UBAC2: variants seen among roughly 807,000 people sequenced by gnomAD.
UBAC2 encodes UBA domain containing 2, also known as ubiquitin-associated domain-containing protein 2.
In UBAC2, 26 loss-of-function variants were observed where a neutral mutation model predicts 44.0. The ratio of observed to expected loss-of-function variants is 0.59; its 90% CI spans 0.43 to 0.82. The LOEUF (loss-of-function observed/expected upper bound fraction) is 0.82. UBAC2 is among the 40% of genes least tolerant of loss of function. The pLI is 0.00. For synonymous variants in UBAC2, 155 were observed against 154.3 expected, an observed-to-expected ratio of 1.00 and a Z score of -0.04; for missense variants, 329 against 419.4, an observed-to-expected ratio of 0.78 and a Z score of 1.88.
chr13:99,286,937 C>G (rs1205694156), intron 4 of UBAC2, among the ~76,000 whole-genome samples: 8 of 152,034 alleles, frequency 5.3e-5, no homozygotes, highest in African/African-American at 1.7e-4. Context: ...TGAATCCATC[C>G]CTGAATTTCT....
At chr13:99,228,499 G>A (rs923474631) in intron 1 of UBAC2, among the ~76,000 whole-genome samples, 1 of 151,892 alleles carries the variant, frequency 6.6e-6, no homozygotes, top group African/African-American at 2.4e-5. Flanking sequence ...TCACGATGTT[G>A]GCCAGGCTAG....
At chr13:99,221,155 CT>C (rs1485822709) in intron 1 of UBAC2, among the ~76,000 whole-genome samples, 1 of 152,160 alleles carries the variant, frequency 6.6e-6, no homozygotes, top group Admixed American at 6.5e-5. Flanking sequence ...GGTCTTTTCA[CT>C]ATTATAAACA....
intron 4 of UBAC2, among the ~76,000 whole-genome samples, chr13:99,267,951 G>T (rs1178607648): frequency 1.3e-5 from 2 of 152,174 alleles, no homozygotes; most frequent in Non-Finnish European, 2.9e-5. Context: ...GTCGTCAAGG[G>T]CCTGGTCTGG....
chr13:99,384,278 C>T (rs2045589994), intron 8 of UBAC2, among the ~76,000 whole-genome samples: 1 of 152,188 alleles, frequency 6.6e-6, no homozygotes, highest in Non-Finnish European at 1.5e-5. Context: ...ATGTACAAGA[C>T]TGTTGACTTT....
intron 7 of UBAC2, among the ~76,000 whole-genome samples, chr13:99,366,845 G>A (rs566473100): frequency 6.6e-6 from 1 of 152,266 alleles, no homozygotes; most frequent in Non-Finnish European, 1.5e-5. Flanking sequence ...ACGCCCACTT[G>A]TTCCTGAGGC....
chr13:99,233,108 T>G (rs2043194601), intron 1 of UBAC2, among the ~76,000 whole-genome samples: 1 of 151,776 alleles, frequency 6.6e-6, no homozygotes, highest in Non-Finnish European at 1.5e-5. Flanking sequence ...ATGCCCAGAT[T>G]TGGTTTCTTT....
At chr13:99,314,420 A>G (rs1267726024) in intron 5 of UBAC2, among the ~76,000 whole-genome samples, 200 bp downstream of exon 5, 1 of 152,196 alleles carries the variant, frequency 6.6e-6, no homozygotes. Context: ...GAATACTTTC[A>G]TAGTCTTTAG....
intron 6 of UBAC2, among the ~76,000 whole-genome samples, chr13:99,337,140 A>G (rs2044800848): frequency 6.6e-6 from 1 of 152,166 alleles, no homozygotes; most frequent in Non-Finnish European, 1.5e-5. Context: ...TTAAAATGCA[A>G]ACCTTAAATA....
intron 1 of UBAC2, among the ~76,000 whole-genome samples, chr13:99,205,008 AT>A (rs67805172): frequency 0.098 from 14,533 of 147,998 alleles, 953 homozygotes; most frequent in Non-Finnish European, 0.15. Context: ...GGTTCAAGCA[AT>A]TCTTCTGCCT....
In UBAC2 at chr13:99,250,688, G is replaced by A. The variant is rs572063500; in HGVS notation, c.389+6064G>A. Among the ~76,000 whole-genome samples, 3 of 152,176 alleles carry A rather than the reference G, an allele frequency of 2.0e-5. No homozygotes were observed. In the South Asian group the frequency reaches 6.2e-4, roughly 32 times the overall value. ...TATGGCCATTTTAATGATATTGATTGTTTCAGACCATGAGAATGGAATGCT... is the reference window on the plus strand; with the variant it reads ...TATGGCCATTTTAATGATATTGATTATTTCAGACCATGAGAATGGAATGCT... On this transcript the variant is annotated intron_variant, in intron 4 of 8. Transcript: ENST00000403766.
At chr13:99,283,776 C>A (rs1285080907) in intron 4 of UBAC2, among the ~76,000 whole-genome samples, 1 of 114,888 alleles carries the variant, frequency 8.7e-6, no homozygotes, top group Non-Finnish European at 1.6e-5. Flanking sequence ...GCTCTTTTAC[C>A]CAGGCCAGAG....
At chr13:99,238,220 A>G (rs2043261211) in intron 1 of UBAC2, among the ~76,000 whole-genome samples, 1 of 152,208 alleles carries the variant, frequency 6.6e-6, no homozygotes, top group Admixed American at 6.5e-5. Flanking sequence ...AAGCCCTGCT[A>G]GGGCATTCTG....
chr13:99,314,076 T>G (rs780805914), intron 4 of UBAC2, 21 bp from the exon 5 acceptor site: 1 of 1,592,580 alleles, frequency 6.3e-7, no homozygotes, highest in South Asian at 1.2e-5. Flanking sequence ...TATAGTGATT[T>G]TTTTTTATTT....
intron 7 of UBAC2, among the ~76,000 whole-genome samples, chr13:99,350,110 A>G (rs368378847): frequency 3.9e-5 from 6 of 152,360 alleles, no homozygotes; most frequent in African/African-American, 1.4e-4. Flanking sequence ...TAGTAATGCA[A>G]CAAAGAGTAA....
At chr13:99,252,709 A>G (rs1440416299) in intron 4 of UBAC2, among the ~76,000 whole-genome samples, 1 of 152,228 alleles carries the variant, frequency 6.6e-6, no homozygotes, top group Non-Finnish European at 1.5e-5. Context: ...TTGAATTTTT[A>G]CATATTATGT....
chr13:99,201,794 G>T (rs1660032233), intron 1 of UBAC2, among the ~76,000 whole-genome samples: 1 of 152,032 alleles, frequency 6.6e-6, no homozygotes, highest in South Asian at 2.1e-4. Context: ...TCTGTTGGCC[G>T]GGCGCGGTGG....
At chr13:99,314,322 T>C (rs1020881857) in intron 5 of UBAC2, 102 bp downstream of exon 5, 7 of 1,360,324 alleles carry the variant, frequency 5.1e-6, no homozygotes, top group Non-Finnish European at 5.9e-6. Flanking sequence ...AATGGTTTTT[T>C]TCCCCCCATA....
intron 6 of UBAC2, among the ~76,000 whole-genome samples, chr13:99,323,821 T>C (rs1566502801): frequency 6.6e-6 from 1 of 152,248 alleles, no homozygotes; most frequent in Non-Finnish European, 1.5e-5. Context: ...TCTTAGGCCA[T>C]TGTTAACACA....
chr13:99,250,319 C>T (rs1403089305), intron 4 of UBAC2, among the ~76,000 whole-genome samples: 1 of 152,186 alleles, frequency 6.6e-6, no homozygotes, highest in East Asian at 1.9e-4. Context: ...AATAAGGAAT[C>T]CTTTCACCAC....
Sources: allele counts gnomAD v4.1 joint callset (sites outside exome capture counted in the v4.1 genomes callset), GRCh38; gene constraint gnomAD v4.1.1; transcripts MANE v1.5; gene names NCBI Gene and HGNC (gene_info 2026-07-23, HGNC 2026-07-21).